CATSPERE: variants seen among roughly 807,000 people sequenced by gnomAD.
The protein encoded by CATSPERE is cation channel sperm-associated auxiliary subunit epsilon.
In CATSPERE, 93 loss-of-function variants were observed where a neutral mutation model predicts 114.1. The observed-to-expected ratio is 0.81, with a 90% CI of 0.69 to 0.97. The LOEUF (loss-of-function observed/expected upper bound fraction) is 0.97, where lower values mean the gene tolerates loss of function less well. Among genes scored for constraint, CATSPERE ranks in the 50% least tolerant of loss-of-function variants. The probability of loss-of-function intolerance (pLI) is 0.00; values close to 1 mark genes in which losing one functional copy is unlikely to be tolerated. For synonymous variants in CATSPERE, 341 were observed against 384.1 expected (o/e 0.89, Z 1.31); for missense variants, 1,058 against 1,131.6 (o/e 0.93, Z 0.93).
At chr1:244,639,858 TTTAAA>T in intron 21 of CATSPERE, 65 bp from the exon 22 acceptor site, 1 of 1,413,782 alleles carries the variant, frequency 7.1e-7, no homozygotes, top group Non-Finnish European at 9.5e-7. Context: ...TCAAAAAGTG[TTTAAA>T]TAAATTAACA....
chr1:244,609,841 G>A (rs1238487901), intron 18 of CATSPERE, among the ~76,000 whole-genome samples: 1 of 152,140 alleles, frequency 6.6e-6, no homozygotes, highest in African/African-American at 2.4e-5. Flanking sequence ...AAGAGTTCGA[G>A]GCCAGCCTTG....
intron 8 of CATSPERE, among the ~76,000 whole-genome samples, chr1:244,544,168 G>A (rs1183654070): frequency 1.3e-5 from 2 of 152,124 alleles, no homozygotes; most frequent in African/African-American, 4.8e-5. Flanking sequence ...CTTCAGGAAG[G>A]ACCTTTATAC....
intron 20 of CATSPERE, among the ~76,000 whole-genome samples, chr1:244,626,677 T>C (rs1331392458): frequency 2.6e-5 from 4 of 152,286 alleles, no homozygotes; most frequent in Middle Eastern, 3.4e-3. Flanking sequence ...GTTATGCAGA[T>C]GGCTTCTTTC....
At chr1:244,468,881 G>A (rs375612816) in intron 2 of CATSPERE, among the ~76,000 whole-genome samples, 1 of 152,176 alleles carries the variant, frequency 6.6e-6, no homozygotes, top group South Asian at 2.1e-4. Flanking sequence ...TCATGCCACT[G>A]CACTCCAGCC....
At chr1:244,500,105 A>G (rs1261260887) in intron 7 of CATSPERE, among the ~76,000 whole-genome samples, 1 of 152,022 alleles carries the variant, frequency 6.6e-6, no homozygotes, top group Non-Finnish European at 1.5e-5. Flanking sequence ...AGTGATGATG[A>G]GCTTTTTTTT....
rs1677775629 is a variant in CATSPERE, at chr1:244,522,608, A to G, written c.536+3910A>G. Among the ~76,000 whole-genome samples, 3 of 152,126 alleles carry G rather than the reference A, an allele frequency of 2.0e-5. No individual in the cohort carries two copies. The South Asian group carries it at 6.2e-4, about 31-fold the overall frequency. ...ACTAGCAAAACTAATAAAGAAAAAAAGAGAGAAGAATCAAATAGACGCAAT... is the reference window on the plus strand; with the variant it reads ...ACTAGCAAAACTAATAAAGAAAAAAGGAGAGAAGAATCAAATAGACGCAAT... On this transcript the variant is annotated intron_variant, in intron 8 of 21. Coordinates refer to ENST00000366534, the MANE Select transcript of CATSPERE (RefSeq NM_001130957.2).
chr1:244,572,544 T>C lies in CATSPERE; in HGVS notation c.1722T>C (p.Ser574=). 1 of 1,614,052 alleles carries C rather than the reference T, an allele frequency of 6.2e-7. No homozygotes were observed. Among genetic ancestry groups the C allele is most frequent in the Middle Eastern group, 1.7e-4 (1 of 6,058 alleles). ...ATCCCTTACATCTGGAAGCACAAAG[T>C]ATAGCTTTCACAACAAAAGACAAAT... ...QDYPLHLEAQ[S]IAFTTKDKCP... Residue 574 remains serine (S), a synonymous_variant, in exon 11 of 22, where the codon AGT becomes AGC. Coordinates refer to ENST00000366534, the MANE Select transcript of CATSPERE (RefSeq NM_001130957.2).
chr1:244,638,103 C>A (rs908572494), intron 21 of CATSPERE, among the ~76,000 whole-genome samples: 4 of 152,190 alleles, frequency 2.6e-5, no homozygotes, highest in Non-Finnish European at 5.9e-5. Context: ...CTAGATCCTT[C>A]TAATAGGTTT....
upstream of CATSPERE, among the ~76,000 whole-genome samples, chr1:244,452,911 G>C (rs1665744305): frequency 6.6e-6 from 1 of 152,124 alleles, no homozygotes. Flanking sequence ...GTTTAATTCT[G>C]ATAAAAGGTG....
chr1:244,463,423 C>T (rs980741242), intron 1 of CATSPERE, among the ~76,000 whole-genome samples: 1 of 151,938 alleles, frequency 6.6e-6, no homozygotes, highest in South Asian at 2.1e-4. Context: ...GCCTGTAGTC[C>T]CAGCTATTCG....
At chr1:244,491,928 G>T (rs1032437075) in intron 6 of CATSPERE, among the ~76,000 whole-genome samples, 18 of 152,078 alleles carry the variant, frequency 1.2e-4, no homozygotes, top group Admixed American at 3.3e-4. Flanking sequence ...CCAATAACAG[G>T]CTCTGAAATT....
At chr1:244,603,793 G>GC (rs1004003839) in intron 17 of CATSPERE, among the ~76,000 whole-genome samples, 2 of 152,126 alleles carry the variant, frequency 1.3e-5, no homozygotes, top group Non-Finnish European at 1.5e-5. Context: ...GTGGTTTGAG[G>GC]CCAGGTGTTC....
Position 244,573,412 on chromosome 1 carries a change from A to AAAAAC in CATSPERE, c.1950+670_1950+674dup, listed in dbSNP as rs58959857. Among the ~76,000 whole-genome samples, 14,500 of 149,968 alleles carry AAAAAC rather than the reference A, an allele frequency of 0.097. 1,763 individuals are homozygous for AAAAAC. Among genetic ancestry groups the AAAAAC allele is most frequent in the African/African-American group, 0.28 (11,312 of 40,140 alleles). On this transcript the variant is annotated intron_variant, in intron 11 of 21. Coordinates refer to ENST00000366534, the MANE Select transcript of CATSPERE (RefSeq NM_001130957.2). The surrounding 1 kb of genome is among the most constrained non-coding windows in gnomAD (Gnocchi z 4.0). ...GGTGACAGAGTGAGACTCCCTCTCA[A>AAAAAC]AAAACAAAACAAAACAAAACAAAAC...
chr1:244,561,047 A>G lies in CATSPERE; in HGVS notation c.1409A>G (p.Tyr470Cys), dbSNP rs573295079. ...LWNKHSIYYC[Y>C]HNFTFTGILQ... The stretch of plus-strand genomic sequence containing the variant: ...AACAAGCATAGTATCTACTATTGTT[A>G]CCATAATTTCACCTTTACTGGGATT... Residue 470 changes from tyrosine to cysteine, a missense_variant, in exon 10 of 22, where the codon TAC becomes TGC. Tyr to Cys is a radical substitution (Grantham distance 194). Coordinates refer to ENST00000366534, the MANE Select transcript of CATSPERE (RefSeq NM_001130957.2). The G allele has an allele frequency of 2.3e-5, 37 of 1,612,394 alleles. No individual in the cohort carries two copies. The highest frequency in any genetic ancestry group is 3.3e-5 in the Admixed American group (2 of 59,992).
chr1:244,565,875 T>G (rs1367287336), intron 10 of CATSPERE, among the ~76,000 whole-genome samples: 1 of 152,234 alleles, frequency 6.6e-6, no homozygotes, highest in Non-Finnish European at 1.5e-5. Context: ...TGTCTTCTGC[T>G]AGCTTTTGAA....
At chr1:244,510,361 A>G (rs1207277738) in intron 7 of CATSPERE, among the ~76,000 whole-genome samples, 1 of 152,096 alleles carries the variant, frequency 6.6e-6, no homozygotes, top group Non-Finnish European at 1.5e-5. Context: ...TTTAATTTCC[A>G]TGCGTTCTTT....
At chr1:244,615,950 TAAAAA>T (rs35945015) in intron 19 of CATSPERE, among the ~76,000 whole-genome samples, 2 of 115,824 alleles carry the variant, frequency 1.7e-5, no homozygotes, top group Non-Finnish European at 3.5e-5. Flanking sequence ...CCCCATCTCC[TAAAAA>T]AAAAAAAAAA....
At chr1:244,603,886 T>C (rs1669622001) in intron 17 of CATSPERE, among the ~76,000 whole-genome samples, 1 of 152,168 alleles carries the variant, frequency 6.6e-6, no homozygotes, top group Non-Finnish European at 1.5e-5. Context: ...CACATACCTG[T>C]AGTCCTAAAG....
intron 8 of CATSPERE, among the ~76,000 whole-genome samples, chr1:244,545,406 C>T (rs1385501679): frequency 3.9e-5 from 6 of 152,146 alleles, no homozygotes; most frequent in Non-Finnish European, 7.4e-5. Flanking sequence ...TTCAGTGGGA[C>T]CCAGGATAAG....
Sources: allele counts gnomAD v4.1 joint callset (sites outside exome capture counted in the v4.1 genomes callset), GRCh38; gene constraint gnomAD v4.1.1; non-coding constraint Gnocchi (gnomAD v3.1); transcripts MANE v1.5; gene names NCBI Gene and HGNC (gene_info 2026-07-23, HGNC 2026-07-21).